The following TMEM132C variants were observed in gnomAD, a reference collection of about 807,000 sequenced individuals.
The protein encoded by TMEM132C is protein phosphatase 1, regulatory subunit 152.
Under a neutral mutation model 61.4 loss-of-function variants are expected in TMEM132C, and 29 were observed. That is an observed-to-expected ratio of 0.47 (90% CI 0.35 to 0.64). The LOEUF is 0.64. Among genes scored for constraint, TMEM132C ranks in the 30% least tolerant of loss-of-function variants. TMEM132C has a pLI of 0.00. For missense variants in TMEM132C, 1,408 were observed against 1,476.9 expected, an observed-to-expected ratio of 0.95 and a Z score of 0.76; for synonymous variants, 656 against 633.1, an observed-to-expected ratio of 1.04 and a Z score of -0.54.
intron 1 of TMEM132C, among the ~76,000 whole-genome samples, chr12:128,341,774 C>G (rs1872984203): frequency 1.3e-5 from 2 of 152,188 alleles, no homozygotes; most frequent in Admixed American, 1.3e-4. Flanking sequence ...TTCGGGGCCT[C>G]TCATGCCATG....
At chr12:128,625,207 T>C (rs1026545990) in intron 4 of TMEM132C, among the ~76,000 whole-genome samples, 1 of 152,198 alleles carries the variant, frequency 6.6e-6, no homozygotes, top group African/African-American at 2.4e-5. Context: ...CCATTCCAGC[T>C]GCTATAACAA....
intron 1 of TMEM132C, among the ~76,000 whole-genome samples, chr12:128,349,762 GC>G (rs1487263461): frequency 2.0e-5 from 3 of 152,090 alleles, no homozygotes; most frequent in Non-Finnish European, 4.4e-5. Flanking sequence ...TGGCAGTAAT[GC>G]AAAATTTCCA....
At chr12:128,578,080 CA>C (rs1251723550) in intron 3 of TMEM132C, among the ~76,000 whole-genome samples, 1 of 152,172 alleles carries the variant, frequency 6.6e-6, no homozygotes, top group Non-Finnish European at 1.5e-5. Flanking sequence ...AAAACTGTAT[CA>C]TTTGCCATAA....
At chr12:128,395,247 TAAAC>T (rs1874909056) in intron 1 of TMEM132C, among the ~76,000 whole-genome samples, 2 of 150,782 alleles carry the variant, frequency 1.3e-5, no homozygotes, top group African/African-American at 4.9e-5. Context: ...AATAGAATAT[TAAAC>T]TATACTATTA....
chr12:128,592,984 CTCTT>C (rs1277676858), intron 3 of TMEM132C, among the ~76,000 whole-genome samples: 2 of 152,208 alleles, frequency 1.3e-5, no homozygotes, highest in Admixed American at 1.3e-4. Flanking sequence ...TCTCTGCTCT[CTCTT>C]TCTTTCTCTC....
intron 1 of TMEM132C, among the ~76,000 whole-genome samples, chr12:128,280,354 C>T (rs1320103399): frequency 6.6e-6 from 1 of 152,178 alleles, no homozygotes; most frequent in Non-Finnish European, 1.5e-5. Flanking sequence ...TCCCTTGTAT[C>T]CATCTGCCTC....
At chr12:128,447,705 CTTTTT>C (rs767506039) in intron 2 of TMEM132C, among the ~76,000 whole-genome samples, 3 of 58,628 alleles carry the variant, frequency 5.1e-5, no homozygotes, top group Admixed American at 1.9e-4. Flanking sequence ...ATTTCAAGTG[CTTTTT>C]TTTTTTTTTT....
At chr12:128,408,030 G>T (rs1467455902) in intron 1 of TMEM132C, among the ~76,000 whole-genome samples, 1 of 128,340 alleles carries the variant, frequency 7.8e-6, no homozygotes, top group Non-Finnish European at 1.7e-5. Context: ...CTTTCTTTAT[G>T]GTCTGTCTCT....
chr12:128,379,150 C>T (rs1050156773), intron 1 of TMEM132C, among the ~76,000 whole-genome samples: 3 of 152,192 alleles, frequency 2.0e-5, no homozygotes, highest in Non-Finnish European at 4.4e-5. Context: ...GGTTGTTCAT[C>T]GCAGCCCTGC....
At chr12:128,601,617 C>T (rs1485375674) in intron 3 of TMEM132C, among the ~76,000 whole-genome samples, 1 of 148,714 alleles carries the variant, frequency 6.7e-6, no homozygotes, top group Non-Finnish European at 1.5e-5. Flanking sequence ...CCAAGATGGG[C>T]GAGCCCTGGG....
intron 1 of TMEM132C, among the ~76,000 whole-genome samples, chr12:128,413,034 C>T (rs903470970): frequency 6.6e-6 from 1 of 151,982 alleles, no homozygotes; most frequent in African/African-American, 2.4e-5. Flanking sequence ...CACGGTGGCT[C>T]ACATATGTAA....
chr12:128,423,206 T>C (rs1869052490), intron 2 of TMEM132C, among the ~76,000 whole-genome samples: 1 of 152,150 alleles, frequency 6.6e-6, no homozygotes, highest in South Asian at 2.1e-4. Flanking sequence ...AGGGGTGCAC[T>C]CAGAAAATAA....
chr12:128,363,797 A>T (rs1234171204), intron 1 of TMEM132C, among the ~76,000 whole-genome samples: 1 of 150,180 alleles, frequency 6.7e-6, no homozygotes, highest in Non-Finnish European at 1.5e-5. Context: ...GTGAGCCGAG[A>T]TCACATCACT....
At chr12:128,609,395 C>T (rs1593119088) in intron 3 of TMEM132C, among the ~76,000 whole-genome samples, 3 of 151,328 alleles carry the variant, frequency 2.0e-5, no homozygotes, top group East Asian at 3.9e-4. Context: ...GCACCACCAC[C>T]CTGGCTAATT....
chr12:128,378,200 C>T (rs970209768), intron 1 of TMEM132C, among the ~76,000 whole-genome samples: 8 of 151,922 alleles, frequency 5.3e-5, no homozygotes, highest in Non-Finnish European at 4.4e-5. Context: ...CTGCAAGCTC[C>T]GCCTCCCCGG....
At chr12:128,673,534 G>T (rs899799125) in intron 5 of TMEM132C, among the ~76,000 whole-genome samples, 9 of 152,296 alleles carry the variant, frequency 5.9e-5, no homozygotes, top group Admixed American at 1.3e-4. Context: ...TATCATACTG[G>T]GCCTGAAGCT....
chr12:128,454,445 T>C (rs1471164), intron 2 of TMEM132C, among the ~76,000 whole-genome samples: 134,570 of 152,240 alleles, frequency 0.88, 59,591 homozygotes, highest in East Asian at 0.98. Flanking sequence ...GAAGTTGATG[T>C]GATTGGTCTT....
At chr12:128,481,410 C>T (rs946656480) in intron 2 of TMEM132C, among the ~76,000 whole-genome samples, 1 of 152,200 alleles carries the variant, frequency 6.6e-6, no homozygotes, top group African/African-American at 2.4e-5. Context: ...GGCCACGGCT[C>T]TTCACCTCTC....
At chr12:128,305,286 C>G (rs1237420484) in intron 1 of TMEM132C, among the ~76,000 whole-genome samples, 1 of 152,046 alleles carries the variant, frequency 6.6e-6, no homozygotes, top group Admixed American at 6.6e-5. Flanking sequence ...CGACTTTAAA[C>G]AGAAAGGATT....
Sources: gnomAD v4.1 joint callset for allele counts (sites outside exome capture counted in the v4.1 genomes callset) on GRCh38, gnomAD v4.1.1 for gene constraint, MANE v1.5 for transcripts, NCBI Gene and HGNC (gene_info 2026-07-23, HGNC 2026-07-21) for gene names.